Variants in FBXL4 observed in about 807,000 individuals in gnomAD.
FBXL4 encodes F-box/LRR-repeat protein 4.
A neutral mutation model predicts 58.9 loss-of-function variants in FBXL4; 40 were observed. The observed-to-expected ratio is 0.68, with a 90% CI of 0.53 to 0.88. The LOEUF is 0.88. Among genes scored for constraint, FBXL4 ranks in the 40% least tolerant of loss-of-function variants. The pLI, the probability that FBXL4 is intolerant of heterozygous loss-of-function variation, is 0.00. For synonymous variants in FBXL4, 263 were observed against 265.5 expected, an observed-to-expected ratio of 0.99 and a Z score of 0.09; for missense variants, 676 against 734.4, an observed-to-expected ratio of 0.92 and a Z score of 0.92.
intron 8 of FBXL4, among the ~76,000 whole-genome samples, chr6:98,878,863 G>A (rs1018602371): frequency 4.6e-5 from 7 of 151,990 alleles, no homozygotes; most frequent in East Asian, 1.9e-4. Context: ...AAATGTCATC[G>A]GGTCCATCAA....
chr6:98,944,727 C>G (rs144659114), intron 1 of FBXL4, among the ~76,000 whole-genome samples: 2 of 152,078 alleles, frequency 1.3e-5, no homozygotes, highest in Non-Finnish European at 2.9e-5. Flanking sequence ...GATAATGTCT[C>G]CCTCTCTGGC....
At chr6:98,919,406 G>A (rs961097775) in intron 4 of FBXL4, among the ~76,000 whole-genome samples, 1 of 152,140 alleles carries the variant, frequency 6.6e-6, no homozygotes, top group Non-Finnish European at 1.5e-5. Flanking sequence ...AACAGCCTGT[G>A]AGTATTTGTA....
At chr6:98,932,494 G>C (rs547658846) in intron 2 of FBXL4, among the ~76,000 whole-genome samples, 1 of 152,230 alleles carries the variant, frequency 6.6e-6, no homozygotes, top group South Asian at 2.1e-4. Context: ...AGTAATAGTG[G>C]AAAAGAGAAA....
At chr6:98,894,607 C>A (rs1019894203) in intron 7 of FBXL4, among the ~76,000 whole-genome samples, 5 of 152,124 alleles carry the variant, frequency 3.3e-5, no homozygotes, top group African/African-American at 9.7e-5. Flanking sequence ...TGTGACAATG[C>A]GAGCATATAT....
intron 7 of FBXL4, chr6:98,898,321 A>T: frequency 1.0e-6 from 1 of 985,438 alleles, no homozygotes; most frequent in Non-Finnish European, 1.2e-6. Context: ...AGTATGTACT[A>T]CAGGGGCCCA....
At chr6:98,876,266 T>C (rs1198810842) in intron 8 of FBXL4, among the ~76,000 whole-genome samples, 1 of 152,174 alleles carries the variant, frequency 6.6e-6, no homozygotes, top group Non-Finnish European at 1.5e-5. Context: ...TAGATTACAA[T>C]ATGTTAATCA....
rs1337303621 is a variant in FBXL4 at position 98,873,423 on chromosome 6, T to A, written c.*855A>T. 1 of 151,094 alleles carries A rather than the reference T, an allele frequency of 6.6e-6. No homozygotes were observed. The highest frequency in any genetic ancestry group is 1.5e-5 in the Non-Finnish European group (1 of 67,822). The allele number at this position is 151,094 out of a possible 1,614,324, so 9.4% of individuals were successfully genotyped here. A position where few individuals can be genotyped will look rare whatever the true frequency, so the allele number is the denominator to read the frequency against. The stretch of plus-strand genomic sequence containing the variant: ...ATATAATTCAGAAACCTCAAAACTT[T>A]ACCTTTCACAAAATGTTAAGGCATC... On this transcript the variant is annotated 3_prime_UTR_variant, in exon 10 of 10. Transcript: ENST00000369244.
chr6:98,879,809 G>A (rs117887908), intron 8 of FBXL4, among the ~76,000 whole-genome samples: 1,972 of 152,044 alleles, frequency 0.013, 21 homozygotes, highest in Non-Finnish European at 0.021. Flanking sequence ...CGGGCATAGT[G>A]GTACATCCCT....
At chr6:98,887,179 C>T (rs2300060) in intron 7 of FBXL4, among the ~76,000 whole-genome samples, 24,206 of 152,100 alleles carry the variant, frequency 0.16, 2,320 homozygotes, top group East Asian at 0.47. Flanking sequence ...GGTGGGAAGA[C>T]TGCTTGAGAC....
chr6:98,879,938 A>G, intron 8 of FBXL4, among the ~76,000 whole-genome samples: 1 of 97,544 alleles, frequency 1.0e-5, no homozygotes, highest in Non-Finnish European at 2.0e-5. Flanking sequence ...GCAAGACTCC[A>G]TCTCAAAAAA....
In FBXL4 at chr6:98,874,441, C is replaced by G. The variant is rs398123060; in HGVS notation, c.1703G>C (p.Gly568Ala). The G allele has an allele frequency of 6.2e-7, 1 of 1,603,746 alleles. No individual in the cohort carries two copies. The highest frequency in any genetic ancestry group is 1.7e-4 in the Middle Eastern group (1 of 6,022). ...CTRLQQLDIL[G>A]TRMVSPASLR... ...GGATGCCGGACTTACCATTCTTGTTCCTATTTAAGGGAAACAAAACAAAAC... is the reference window on the plus strand; with the variant it reads ...GGATGCCGGACTTACCATTCTTGTTGCTATTTAAGGGAAACAAAACAAAAC... Residue 568 changes from glycine (G) to alanine (A), a missense_variant and splice_region_variant, in exon 10 of 10, where the codon GGA (glycine) becomes GCA (alanine). By Grantham distance (60) the Gly-to-Ala change is moderately conservative. Transcript: ENST00000369244.
chr6:98,905,279 T>C (rs1214419392), intron 6 of FBXL4, 147 bp downstream of exon 6: 7 of 997,174 alleles, frequency 7.0e-6, no homozygotes, highest in African/African-American at 1.6e-5. Flanking sequence ...GCAGCAGCAT[T>C]CTAAACATGA....
intron 8 of FBXL4, among the ~76,000 whole-genome samples, chr6:98,877,739 A>G (rs1445371891): frequency 6.6e-6 from 1 of 152,222 alleles, no homozygotes; most frequent in Non-Finnish European, 1.5e-5. Context: ...CATAATTAGT[A>G]GGAAACTTAA....
chr6:98,923,677 C>CT (rs1472358329), intron 4 of FBXL4, among the ~76,000 whole-genome samples: 1 of 152,114 alleles, frequency 6.6e-6, no homozygotes, highest in Non-Finnish European at 1.5e-5. Context: ...CTAGGCTGGC[C>CT]TGTAAGCTCA....
intron 7 of FBXL4, among the ~76,000 whole-genome samples, chr6:98,890,851 G>A (rs889895186): frequency 5.9e-5 from 9 of 152,030 alleles, no homozygotes; most frequent in Admixed American, 2.6e-4. Flanking sequence ...CTAGGGAGGC[G>A]GAGGTTGCAG....
At chr6:98,898,491 G>A (rs1771484928) in intron 7 of FBXL4, 1 of 942,810 alleles carries the variant, frequency 1.1e-6, no homozygotes, top group Non-Finnish European at 1.3e-6. Flanking sequence ...TGTAATCCCA[G>A]ATACTCAGGA....
In FBXL4 at chr6:98,874,193, A is replaced by C. The variant is rs944639669; in HGVS notation, c.*85T>G. On this transcript the variant is annotated 3_prime_UTR_variant, in exon 10 of 10. Coordinates refer to ENST00000369244, the MANE Select transcript of FBXL4 (RefSeq NM_001278716.2). ...ACAAATGTCTTAATTCTTACCATTA[A>C]AACAACTAAAAACAAAACCCAAAAC... 1.0e-5 allele frequency: 11 copies of C among 1,054,338 alleles called. No individual in the cohort carries two copies. The highest frequency in any genetic ancestry group is 1.4e-5 in the Non-Finnish European group (11 of 759,420). The allele number at this position is 1,054,338 out of a possible 1,614,324, so 65.3% of individuals were successfully genotyped here. A position where few individuals can be genotyped will look rare whatever the true frequency, so the allele number is the denominator to read the frequency against.
Position 98,874,118 on chromosome 6 carries a change from C to T in FBXL4, c.*160G>A. The T allele has an allele frequency of 2.0e-6, 1 of 512,030 alleles. No homozygotes were observed. Among genetic ancestry groups the T allele is most frequent in the Non-Finnish European group, 3.3e-6 (1 of 302,440 alleles). 31.7% of individuals were successfully genotyped at this position (512,030 alleles called of 1,614,324 possible). ...GCAGTATTTTATGAAAACATTTGTG[C>T]ACATTTTTACTTGATTTAATGGACA... is the stretch of plus-strand genomic sequence containing the variant. On this transcript the variant is annotated 3_prime_UTR_variant, in exon 10 of 10. Transcript: ENST00000369244.
At chr6:98,937,879 A>C (rs1172613445) in intron 1 of FBXL4, among the ~76,000 whole-genome samples, 1 of 152,094 alleles carries the variant, frequency 6.6e-6, no homozygotes, top group Non-Finnish European at 1.5e-5. Flanking sequence ...GTTTTCTGGC[A>C]CTGCCTCTTT....
Sources: gnomAD v4.1 joint callset for allele counts (sites outside exome capture counted in the v4.1 genomes callset) on GRCh38, gnomAD v4.1.1 for gene constraint, MANE v1.5 for transcripts, NCBI Gene and HGNC (gene_info 2026-07-23, HGNC 2026-07-21) for gene names.